The following FHOD3 variants were observed in gnomAD, a reference collection of about 807,000 sequenced individuals.
FHOD3 encodes the protein FH1/FH2 domain-containing protein 3.
A neutral mutation model predicts 173.0 loss-of-function variants in FHOD3; 90 were observed. The ratio of observed to expected loss-of-function variants is 0.52; its 90% CI spans 0.44 to 0.62. The LOEUF is 0.62. Ranked by LOEUF, FHOD3 falls within the 20% of genes least tolerant of loss-of-function variation. The probability of loss-of-function intolerance (pLI) is 0.00; values close to 1 mark genes in which losing one functional copy is unlikely to be tolerated. For missense variants in FHOD3, 1,945 were observed against 2,034.7 expected, an observed-to-expected ratio of 0.96 and a Z score of 0.85; for synonymous variants, 828 against 823.0, an observed-to-expected ratio of 1.01 and a Z score of -0.10.
intron 3 of FHOD3, among the ~76,000 whole-genome samples, chr18:36,494,184 C>A (rs758560236): frequency 2.0e-5 from 3 of 152,094 alleles, no homozygotes; most frequent in Non-Finnish European, 4.4e-5. Context: ...AGCATAGCAC[C>A]CCTTTGGCTG....
chr18:36,449,320 G>A (rs1436828063), intron 3 of FHOD3, among the ~76,000 whole-genome samples: 1 of 152,004 alleles, frequency 6.6e-6, no homozygotes, highest in Non-Finnish European at 1.5e-5. Flanking sequence ...CATAGGGAAG[G>A]CACAAAATAT....
chr18:36,560,280 C>A (rs2058040449), intron 5 of FHOD3, among the ~76,000 whole-genome samples: 1 of 152,182 alleles, frequency 6.6e-6, no homozygotes, highest in South Asian at 2.1e-4. Flanking sequence ...ATACTAAAGC[C>A]AGAGCTTCCC....
chr18:36,764,444 C>T (rs1214193487), intron 27 of FHOD3, among the ~76,000 whole-genome samples: 1 of 152,014 alleles, frequency 6.6e-6, no homozygotes, highest in Non-Finnish European at 1.5e-5. Flanking sequence ...CTAGGCTAAA[C>T]ATGGCCAACA....
chr18:36,323,294 A>C (rs2044497645), intron 1 of FHOD3, among the ~76,000 whole-genome samples: 1 of 152,080 alleles, frequency 6.6e-6, no homozygotes, highest in South Asian at 2.1e-4. Context: ...CAAAGAAGAC[A>C]CTTGTTTTTT....
At chr18:36,708,428 G>A (rs915160880) in intron 17 of FHOD3, among the ~76,000 whole-genome samples, 4 of 152,128 alleles carry the variant, frequency 2.6e-5, no homozygotes, top group South Asian at 2.1e-4. Flanking sequence ...TATTAGTTTC[G>A]TATTGCTGTG....
chr18:36,628,447 A>G (rs954848347), intron 10 of FHOD3, among the ~76,000 whole-genome samples: 15 of 152,242 alleles, frequency 9.9e-5, no homozygotes, highest in African/African-American at 3.4e-4. Flanking sequence ...GTAAATACAA[A>G]AATTCAAAGA....
At chr18:36,511,611 C>G (rs1206620444) in intron 4 of FHOD3, among the ~76,000 whole-genome samples, 1 of 152,144 alleles carries the variant, frequency 6.6e-6, no homozygotes, top group Non-Finnish European at 1.5e-5. Flanking sequence ...ACCGTCTGAG[C>G]TCTTCAGAAT....
chr18:36,532,921 T>C (rs190402516), intron 5 of FHOD3, among the ~76,000 whole-genome samples: 3 of 152,374 alleles, frequency 2.0e-5, no homozygotes, highest in Admixed American at 2.0e-4. Flanking sequence ...TAACGTGGTC[T>C]CTACCATGTC....
At chr18:36,396,962 ATTCTTGTCTCTC>A (rs575337982) in intron 3 of FHOD3, among the ~76,000 whole-genome samples, 191 of 152,094 alleles carry the variant, frequency 1.3e-3, no homozygotes, top group Non-Finnish European at 2.1e-3. Flanking sequence ...TCTTGTCTCT[ATTCTTGTCTCTC>A]ACTTTTATTT....
chr18:36,471,207 C>T (rs553433649), intron 3 of FHOD3, among the ~76,000 whole-genome samples: 5 of 152,308 alleles, frequency 3.3e-5, no homozygotes, highest in East Asian at 3.9e-4. Context: ...AGCATGAGCC[C>T]GTGCCATGTG....
chr18:36,437,701 G>T (rs1416738490), intron 3 of FHOD3, among the ~76,000 whole-genome samples: 1 of 120,332 alleles, frequency 8.3e-6, no homozygotes, highest in Non-Finnish European at 1.7e-5. Context: ...GTCTTGCTCT[G>T]TCGCCAGGCT....
intron 3 of FHOD3, among the ~76,000 whole-genome samples, chr18:36,444,762 A>G (rs1358005838): frequency 1.3e-5 from 2 of 151,944 alleles, no homozygotes; most frequent in African/African-American, 4.8e-5. Context: ...ATAAGTTCAG[A>G]GAGATATTTT....
chr18:36,306,549 G>A (rs1773577586), intron 1 of FHOD3, among the ~76,000 whole-genome samples: 1 of 152,176 alleles, frequency 6.6e-6, no homozygotes, highest in Non-Finnish European at 1.5e-5. Flanking sequence ...AAAGAGGAAA[G>A]AGACATTTAA....
At chr18:36,744,264 A>G in intron 23 of FHOD3, 71 bp downstream of exon 23, 1 of 1,509,234 alleles carries the variant, frequency 6.6e-7, no homozygotes, top group East Asian at 2.3e-5. Flanking sequence ...GTCATCCTCG[A>G]GGAACACGAG....
At chr18:36,463,532 A>G (rs2052713922) in intron 3 of FHOD3, among the ~76,000 whole-genome samples, 1 of 87,934 alleles carries the variant, frequency 1.1e-5, no homozygotes, top group Non-Finnish European at 2.5e-5. Context: ...GAATCTTGCC[A>G]TGTCGCCCCA....
At chr18:36,576,672 G>A in intron 6 of FHOD3, 127 bp downstream of exon 6, 2 of 548,990 alleles carry the variant, frequency 3.6e-6, no homozygotes, top group Non-Finnish European at 6.3e-6. Context: ...GTATAAATGA[G>A]GATTACTACT....
chr18:36,413,151 T>C (rs1875397640), intron 3 of FHOD3, among the ~76,000 whole-genome samples: 1 of 152,236 alleles, frequency 6.6e-6, no homozygotes, highest in African/African-American at 2.4e-5. Flanking sequence ...CCTTATATTT[T>C]CCAACATAAG....
At position 36,488,730 on chromosome 18, in the gene FHOD3, A is replaced by G. The variant is rs1790648; in HGVS notation, c.338-13202A>G. 4.9e-3 allele frequency among the ~76,000 whole-genome samples: 743 copies of G among 151,804 alleles called. 8 individuals are homozygous for G. The highest frequency in any genetic ancestry group is 0.017 in the African/African-American group (699 of 41,064). ...TATTTTAAATCCTGTTTTACTGATC[A>G]GAAAACTTAGGTGCAGAGAGGAATT... On this transcript the variant is annotated intron_variant, in intron 3 of 28. Coordinates refer to ENST00000590592, the MANE Select transcript of FHOD3 (RefSeq NM_001281740.3).
intron 7 of FHOD3, among the ~76,000 whole-genome samples, chr18:36,598,330 T>A (rs553509292): frequency 3.9e-5 from 6 of 152,252 alleles, no homozygotes; most frequent in Admixed American, 1.3e-4. Context: ...TCAAAAATCA[T>A]TACTACCTAA....
Sources: gnomAD v4.1 joint callset for allele counts (sites outside exome capture counted in the v4.1 genomes callset) on GRCh38, gnomAD v4.1.1 for gene constraint, MANE v1.5 for transcripts, NCBI Gene and HGNC (gene_info 2026-07-23, HGNC 2026-07-21) for gene names.